Variants in TNKS observed in about 807,000 individuals in gnomAD.
TNKS encodes tankyrase, also known as poly [ADP-ribose] polymerase tankyrase-1.
A neutral mutation model predicts 135.8 loss-of-function variants in TNKS; 72 were observed. The observed-to-expected ratio is 0.53, with a 90% CI of 0.44 to 0.64. The LOEUF (loss-of-function observed/expected upper bound fraction) is 0.64, where lower values mean the gene tolerates loss of function less well. TNKS is among the 30% of genes least tolerant of loss of function. TNKS has a pLI of 0.00. For missense variants in TNKS, 1,769 were observed against 1,674.0 expected, an observed-to-expected ratio of 1.06 and a Z score of -0.99; for synonymous variants, 849 against 649.3, an observed-to-expected ratio of 1.31 and a Z score of -4.68.
At chr8:9,696,658 A>G (rs1183387698) in intron 5 of TNKS, among the ~76,000 whole-genome samples, 3 of 152,174 alleles carry the variant, frequency 2.0e-5, no homozygotes, top group African/African-American at 7.2e-5. Flanking sequence ...CACCATGAGC[A>G]TCCAGGCTGA....
At position 9,641,608 on chromosome 8, in the gene TNKS, C is replaced by T. The variant is rs1336915598; in HGVS notation, c.994+25931C>T. On this transcript the variant is annotated intron_variant, in intron 3 of 26. Coordinates refer to ENST00000310430, the MANE Select transcript of TNKS (RefSeq NM_003747.3). ...AAAACTCTAGTGCCATTGAGTATTTCTAACATTATTTTTCAGAAAAACATT... is the reference window on the plus strand; with the variant it reads ...AAAACTCTAGTGCCATTGAGTATTTTTAACATTATTTTTCAGAAAAACATT... Among the ~76,000 whole-genome samples, 2 of 144,772 alleles carry T rather than the reference C, an allele frequency of 1.4e-5. 1 individual carries two copies. Among genetic ancestry groups the T allele is most frequent in the Non-Finnish European group, 3.0e-5 (2 of 66,382 alleles). 95.0% of individuals were successfully genotyped at this position (144,772 alleles called of 152,430 possible).
Position 9,709,372 on chromosome 8 carries a change from T to C in TNKS, c.1579-583T>C, listed in dbSNP as rs117157809. Among the ~76,000 whole-genome samples the C allele has an allele frequency of 2.7e-3, 417 of 152,276 alleles. 5 individuals are homozygous for C. The East Asian group carries it at 0.033, about 12-fold the overall frequency. On this transcript the variant is annotated intron_variant, in intron 9 of 26. Coordinates refer to ENST00000310430, the MANE Select transcript of TNKS (RefSeq NM_003747.3). ...TTTTTGGAGTTTTCATTTTATTTAG[T>C]TGAAAGTAGTTTTTTATTTTTAAAT... is the stretch of plus-strand genomic sequence containing the variant.
intron 3 of TNKS, among the ~76,000 whole-genome samples, chr8:9,673,971 A>G (rs1287736397): frequency 6.6e-6 from 1 of 152,190 alleles, no homozygotes; most frequent in Non-Finnish European, 1.5e-5. Flanking sequence ...TCTAGTTAAA[A>G]CATTACCAAA....
intron 3 of TNKS, among the ~76,000 whole-genome samples, chr8:9,631,415 A>T (rs1800282985): frequency 6.6e-6 from 1 of 152,376 alleles, no homozygotes; most frequent in East Asian, 1.9e-4. Flanking sequence ...TATAAGTCAT[A>T]AAATGTACTG....
intron 3 of TNKS, among the ~76,000 whole-genome samples, chr8:9,628,333 C>T (rs191073792): frequency 1.0e-3 from 155 of 152,264 alleles, no homozygotes; most frequent in African/African-American, 3.6e-3. Context: ...AACGACTGTA[C>T]TAAAATGCCT....
chr8:9,751,721 C>T lies in TNKS; in HGVS notation c.2945C>T (p.Thr982Ile), dbSNP rs774976609. Residue 982 changes from threonine (T) to isoleucine (I), a missense_variant, in exon 19 of 27, where the codon ACC becomes ATC. Physicochemically the swap from Thr to Ile is moderately conservative, Grantham distance 89. Transcript: ENST00000310430. ...VSASLISPAS[T>I]PSCLSAASSI... Reference sequence around the variant, plus strand: ...GCCTCTCTGATCTCACCAGCATCCACCCCCTCCTGCCTCTCGGCTGCCAGC... The same window carrying T: ...GCCTCTCTGATCTCACCAGCATCCATCCCCTCCTGCCTCTCGGCTGCCAGC... 5 of 1,614,190 alleles carry T rather than the reference C, an allele frequency of 3.1e-6. No homozygotes were observed. The Admixed American group carries it at 8.3e-5, about 27-fold the overall frequency.
At chr8:9,774,272 A>G (rs1037623715) in intron 26 of TNKS, among the ~76,000 whole-genome samples, 1 of 152,210 alleles carries the variant, frequency 6.6e-6, no homozygotes, top group African/African-American at 2.4e-5. Context: ...GAATTACTTA[A>G]CCTGGAAAAG....
chr8:9,663,269 A>G (rs954723379), intron 3 of TNKS, among the ~76,000 whole-genome samples: 3 of 152,364 alleles, frequency 2.0e-5, no homozygotes, highest in Non-Finnish European at 4.4e-5. Flanking sequence ...TACAATAACA[A>G]TAGGAAACTA....
At chr8:9,727,711 A>G (rs1288536781) in intron 13 of TNKS, among the ~76,000 whole-genome samples, 2 of 152,242 alleles carry the variant, frequency 1.3e-5, no homozygotes, top group Non-Finnish European at 2.9e-5. Context: ...TAATTTTAGC[A>G]TTCTTGATAA....
At chr8:9,679,368 C>A (rs931055365) in intron 3 of TNKS, among the ~76,000 whole-genome samples, 1 of 152,104 alleles carries the variant, frequency 6.6e-6, no homozygotes, top group African/African-American at 2.4e-5. Flanking sequence ...GCATTTGGTA[C>A]GTAGTTCACG....
chr8:9,660,437 G>C (rs930346561), intron 3 of TNKS, among the ~76,000 whole-genome samples: 4 of 152,056 alleles, frequency 2.6e-5, no homozygotes, highest in African/African-American at 9.7e-5. Flanking sequence ...TTCAACATAC[G>C]AAAATCAATA....
chr8:9,658,409 A>G lies in TNKS; in HGVS notation c.995-21542A>G, dbSNP rs1375150890. The G allele has an allele frequency of 1.3e-5, 17 of 1,302,558 alleles. No individual in the cohort carries two copies. In the South Asian group the frequency reaches 2.2e-4, roughly 17 times the overall value. 80.7% of individuals were successfully genotyped at this position (1,302,558 alleles called of 1,614,324 possible). A position where few individuals can be genotyped will look rare whatever the true frequency, so the allele number is the denominator to read the frequency against. ...ACAGCTCCGCTGCCCGCTGAACTCC[A>G]TCCTCCCGGCGGTCGGGCGGCGGCG... On this transcript the variant is annotated intron_variant, in intron 3 of 26. Coordinates refer to ENST00000310430, the MANE Select transcript of TNKS (RefSeq NM_003747.3).
At chr8:9,660,702 G>C (rs4262324) in intron 3 of TNKS, among the ~76,000 whole-genome samples, 149,095 of 152,254 alleles carry the variant, frequency 0.98, 73,074 homozygotes, top group East Asian at 1. Context: ...TCTCTCACCA[G>C]TCCTATTCAA....
chr8:9,628,247 G>C (rs763168803), intron 3 of TNKS, among the ~76,000 whole-genome samples: 2 of 151,980 alleles, frequency 1.3e-5, no homozygotes, highest in African/African-American at 2.4e-5. Flanking sequence ...TAGAGTATAC[G>C]GAACTGCCCA....
intron 1 of TNKS, among the ~76,000 whole-genome samples, chr8:9,565,194 A>G (rs752220038): frequency 5.3e-5 from 8 of 152,216 alleles, no homozygotes; most frequent in Non-Finnish European, 1.0e-4. Flanking sequence ...TGTTTATAGA[A>G]TTAAAGCAGC....
intron 3 of TNKS, among the ~76,000 whole-genome samples, chr8:9,651,707 G>A (rs535890934): frequency 3.5e-4 from 53 of 152,304 alleles, no homozygotes; most frequent in African/African-American, 1.2e-3. Flanking sequence ...GGAAAAGATT[G>A]TTGGCCACTT....
chr8:9,624,255 G>T (rs756990878), intron 3 of TNKS, among the ~76,000 whole-genome samples: 5 of 152,134 alleles, frequency 3.3e-5, no homozygotes, highest in Non-Finnish European at 5.9e-5. Context: ...TTGCAATTTG[G>T]ATTAGAACTT....
rs779113182 is a variant in TNKS, at chr8:9,761,504, T to C, written c.3154-12T>C. 1 of 1,612,152 alleles carries C rather than the reference T, an allele frequency of 6.2e-7. No homozygotes were observed. The highest frequency in any genetic ancestry group is 8.5e-7 in the Non-Finnish European group (1 of 1,179,622). ...TTAAAGATATCCTAGCTAATTTTGT[T>C]TCATTTTTCAGATTACACTAGATGT... On this transcript the variant is annotated splice_polypyrimidine_tract_variant and intron_variant, in intron 20 of 26. Transcript: ENST00000310430.
At chr8:9,677,976 C>T (rs909751688) in intron 3 of TNKS, among the ~76,000 whole-genome samples, 6 of 152,174 alleles carry the variant, frequency 3.9e-5, no homozygotes, top group African/African-American at 1.4e-4. Context: ...AGGAAGGCTT[C>T]CTTGACCCCC....
Sources: allele counts gnomAD v4.1 joint callset (sites outside exome capture counted in the v4.1 genomes callset), GRCh38; gene constraint gnomAD v4.1.1; transcripts MANE v1.5; gene names NCBI Gene and HGNC (gene_info 2026-07-23, HGNC 2026-07-21).